GAS2: variants seen among roughly 807,000 people sequenced by gnomAD.
GAS2 encodes the protein growth arrest specific 2, also known as growth arrest-specific protein 2.
In GAS2, 20 loss-of-function variants were observed where a neutral mutation model predicts 37.5. That is an observed-to-expected ratio of 0.53 (90% CI 0.37 to 0.77). The LOEUF (loss-of-function observed/expected upper bound fraction) is 0.77, where lower values mean the gene tolerates loss of function less well. GAS2 is among the 30% of genes least tolerant of loss of function. The pLI, the probability that GAS2 is intolerant of heterozygous loss-of-function variation, is 0.00. For missense variants in GAS2, 336 were observed against 373.4 expected, an observed-to-expected ratio of 0.90 and a Z score of 0.82; for synonymous variants, 144 against 132.2, an observed-to-expected ratio of 1.09 and a Z score of -0.61.
chr11:22,727,105 A>G (rs1458097459), intron 4 of GAS2, among the ~76,000 whole-genome samples: 1 of 152,056 alleles, frequency 6.6e-6, no homozygotes, highest in African/African-American at 2.4e-5. Context: ...AAGAAAACAT[A>G]CATTGGAGCA....
At chr11:22,694,351 C>T (rs1417505741) in intron 3 of GAS2, among the ~76,000 whole-genome samples, 1 of 152,102 alleles carries the variant, frequency 6.6e-6, no homozygotes, top group Admixed American at 6.6e-5. Context: ...AACGTGTGTT[C>T]CTGCCACCCG....
At chr11:22,789,454 A>ATATT (rs1564889924) in intron 7 of GAS2, among the ~76,000 whole-genome samples, 3 of 61,214 alleles carry the variant, frequency 4.9e-5, no homozygotes, top group Non-Finnish European at 1.0e-4. Flanking sequence ...ATATATATAT[A>ATATT]TTCTTTTTTT....
intron 1 of GAS2, among the ~76,000 whole-genome samples, chr11:22,652,448 T>C (rs1037782621): frequency 2.6e-5 from 4 of 152,202 alleles, no homozygotes; most frequent in African/African-American, 7.2e-5. Context: ...GTGGGCTCCA[T>C]CCAGTTAGAG....
At chr11:22,703,785 A>G (rs1159305454) in intron 3 of GAS2, among the ~76,000 whole-genome samples, 4 of 152,124 alleles carry the variant, frequency 2.6e-5, no homozygotes, top group African/African-American at 7.2e-5. Context: ...AATGGCTTCT[A>G]TTGTTTGACT....
intron 1 of GAS2, among the ~76,000 whole-genome samples, chr11:22,649,094 A>G (rs2133828307): frequency 6.6e-6 from 1 of 152,212 alleles, no homozygotes. Context: ...ACGTCCCATC[A>G]ATACCTAATT....
At chr11:22,741,195 G>A (rs1376896451) in intron 5 of GAS2, among the ~76,000 whole-genome samples, 1 of 151,998 alleles carries the variant, frequency 6.6e-6, no homozygotes, top group Non-Finnish European at 1.5e-5. Context: ...TGTTCTCATG[G>A]GTAAAACTTA....
At chr11:22,746,375 AAAT>A (rs1285981250) in intron 5 of GAS2, among the ~76,000 whole-genome samples, 2 of 152,186 alleles carry the variant, frequency 1.3e-5, no homozygotes, top group Non-Finnish European at 2.9e-5. Flanking sequence ...ACCCAAAGGA[AAAT>A]AAATCATTCT....
intron 2 of GAS2, among the ~76,000 whole-genome samples, chr11:22,683,394 TAGCTGGA>T (rs939643019): frequency 6.6e-6 from 1 of 152,102 alleles, no homozygotes; most frequent in African/African-American, 2.4e-5. Context: ...TCCTCCCAAG[TAGCTGGA>T]ATTACAGGCA....
At chr11:22,745,484 C>T (rs1374042075) in intron 5 of GAS2, among the ~76,000 whole-genome samples, 5 of 151,926 alleles carry the variant, frequency 3.3e-5, no homozygotes, top group East Asian at 1.9e-4. Context: ...AAGATTTAAA[C>T]GTAAGACTTC....
At chr11:22,663,127 C>A (rs555584718), upstream of GAS2, among the ~76,000 whole-genome samples, 254 of 152,090 alleles carry the variant, frequency 1.7e-3, no homozygotes, top group African/African-American at 5.9e-3. Context: ...GAAGTGCCAC[C>A]CTTTTAAAAC....
intron 3 of GAS2, among the ~76,000 whole-genome samples, chr11:22,692,232 T>TATCGAG (rs1850279578): frequency 6.6e-6 from 1 of 152,154 alleles, no homozygotes; most frequent in African/African-American, 2.4e-5. Context: ...CTATGGAACT[T>TATCGAG]ATCTAGATCT....
Position 22,650,237 on chromosome 11 carries a change from A to G in GAS2, c.-21+24424A>G, listed in dbSNP as rs1283078374. Among the ~76,000 whole-genome samples the G allele has an allele frequency of 3.9e-3, 582 of 150,242 alleles. 4 individuals are homozygous for G. The highest frequency in any genetic ancestry group is 0.013 in the African/African-American group (545 of 40,892). On this transcript the variant is annotated intron_variant, in intron 1 of 5. Transcript: ENST00000528582. The stretch of plus-strand genomic sequence containing the variant: ...ATGTAGTTGAGCGGTTTTGAGTGAG[A>G]TTCTTAATCCTGAGTTCTAGTTTGA...
chr11:22,645,946 C>T (rs1238684503), intron 1 of GAS2, among the ~76,000 whole-genome samples: 1 of 151,400 alleles, frequency 6.6e-6, no homozygotes, highest in Non-Finnish European at 1.5e-5. Flanking sequence ...CAAGTTCAAG[C>T]CATTCTCCTG....
At chr11:22,718,717 A>G (rs1851804847) in intron 3 of GAS2, among the ~76,000 whole-genome samples, 2 of 152,012 alleles carry the variant, frequency 1.3e-5, no homozygotes, top group Admixed American at 1.3e-4. Flanking sequence ...CATTATGAAC[A>G]CTGAGATTTC....
intron 3 of GAS2, among the ~76,000 whole-genome samples, chr11:22,692,334 T>G (rs959171031): frequency 1.3e-5 from 2 of 152,118 alleles, no homozygotes; most frequent in Non-Finnish European, 2.9e-5. Context: ...GAAAGTTTAT[T>G]TTGCCAAGAC....
At chr11:22,811,680 G>GA in intron 7 of GAS2, 118 bp from the exon 8 acceptor site, 1 of 963,462 alleles carries the variant, frequency 1.0e-6, no homozygotes, top group Non-Finnish European at 1.6e-6. Context: ...GCACCAAGTA[G>GA]AAAAACAATG....
chr11:22,704,553 A>C (rs1851005114), intron 3 of GAS2, among the ~76,000 whole-genome samples: 1 of 144,120 alleles, frequency 6.9e-6, no homozygotes. Flanking sequence ...AATTGAAGGG[A>C]TATTAAACTT....
At chr11:22,804,825 G>A (rs1187870782) in intron 7 of GAS2, among the ~76,000 whole-genome samples, 3 of 152,044 alleles carry the variant, frequency 2.0e-5, no homozygotes, top group Non-Finnish European at 4.4e-5. Context: ...GAGAATAATA[G>A]ATAAAAATGG....
chr11:22,665,215 A>T (rs1451120512), upstream of GAS2, among the ~76,000 whole-genome samples: 1 of 152,202 alleles, frequency 6.6e-6, no homozygotes, highest in African/African-American at 2.4e-5. Flanking sequence ...GAGAAATAGG[A>T]TGTAAGATTT....
Sources: allele counts gnomAD v4.1 joint callset (sites outside exome capture counted in the v4.1 genomes callset), GRCh38; gene constraint gnomAD v4.1.1; transcripts MANE v1.5; gene names NCBI Gene and HGNC (gene_info 2026-07-23, HGNC 2026-07-21).